Variants in ELMO1 observed in about 807,000 individuals in gnomAD.
ELMO1 encodes the protein engulfment and cell motility protein 1.
Under a neutral mutation model 98.9 loss-of-function variants are expected in ELMO1, and 26 were observed. That is an observed-to-expected ratio of 0.26 (90% confidence interval 0.19 to 0.36). ELMO1 has a LOEUF of 0.36. ELMO1 is among the 10% of genes least tolerant of loss of function. The pLI is 1.00. For synonymous variants in ELMO1, 346 were observed against 346.0 expected, an observed-to-expected ratio of 1.00 and a Z score of 0.00; for missense variants, 627 against 935.2, an observed-to-expected ratio of 0.67 and a Z score of 4.30.
At position 37,113,627 on chromosome 7, in the gene ELMO1, G is replaced by C. The variant is rs1785384060; in HGVS notation, c.1192-16900C>G. Among the ~76,000 whole-genome samples, 5 of 152,304 alleles carry C rather than the reference G, an allele frequency of 3.3e-5. No homozygotes were observed. In the South Asian group the frequency reaches 1.0e-3, roughly 32 times the overall value. ...TACCTGGTATGTTCACGGCCAACAA[G>C]GGTGCTATGGACGGAATTGCACCCT... On this transcript the variant is annotated intron_variant, in intron 14 of 21. Coordinates refer to ENST00000310758, the MANE Select transcript of ELMO1 (RefSeq NM_014800.11).
chr7:37,346,939 T>C (rs990997424), intron 1 of ELMO1, among the ~76,000 whole-genome samples: 1 of 152,114 alleles, frequency 6.6e-6, no homozygotes, highest in African/African-American at 2.4e-5. Context: ...GTGGCTCCAG[T>C]GGAGAGTCAG....
At chr7:37,171,481 C>G in intron 13 of ELMO1, among the ~76,000 whole-genome samples, 1 of 44,298 alleles carries the variant, frequency 2.3e-5, no homozygotes, top group African/African-American at 6.2e-5. Context: ...CCAGGCCTTT[C>G]TATTTTTTTT....
intron 4 of ELMO1, among the ~76,000 whole-genome samples, chr7:37,301,885 C>T (rs1798370284): frequency 6.6e-6 from 1 of 152,170 alleles, no homozygotes; most frequent in Non-Finnish European, 1.5e-5. Flanking sequence ...CTCACTGTTG[C>T]TGCTCTATGT....
chr7:37,037,054 G>A (rs1205692950), intron 15 of ELMO1, among the ~76,000 whole-genome samples: 1 of 152,092 alleles, frequency 6.6e-6, no homozygotes, highest in Non-Finnish European at 1.5e-5. Flanking sequence ...AAATACCATG[G>A]GGTTACTACA....
chr7:37,105,139 G>A (rs1008299713), intron 14 of ELMO1, among the ~76,000 whole-genome samples: 1 of 152,234 alleles, frequency 6.6e-6, no homozygotes, highest in African/African-American at 2.4e-5. Flanking sequence ...AACAAAAGCA[G>A]GACGCGCAAA....
At chr7:37,290,879 G>A (rs754140978) in intron 4 of ELMO1, among the ~76,000 whole-genome samples, 1 of 152,016 alleles carries the variant, frequency 6.6e-6, no homozygotes, top group African/African-American at 2.4e-5. Flanking sequence ...TGACAGAGAA[G>A]AAGAGGAAGA....
At chr7:37,301,971 A>G (rs1237195047) in intron 4 of ELMO1, among the ~76,000 whole-genome samples, 1 of 152,182 alleles carries the variant, frequency 6.6e-6, no homozygotes, top group African/African-American at 2.4e-5. Flanking sequence ...AAGTTAAATA[A>G]TTGCAAAAGT....
intron 6 of ELMO1, among the ~76,000 whole-genome samples, chr7:37,248,380 C>T (rs1353165728): frequency 6.6e-6 from 1 of 152,008 alleles, no homozygotes; most frequent in African/African-American, 2.4e-5. Flanking sequence ...CTGTGTGACC[C>T]TTTCTCATTT....
chr7:37,337,724 C>T lies in ELMO1; in HGVS notation c.78+4889G>A, dbSNP rs78302647. ...TAGGCCGAGAAGTTCTAGGCAAAGACAGAAGTGGTAGCTTTCTGGTCTGTG... is the reference window on the plus strand; with the variant it reads ...TAGGCCGAGAAGTTCTAGGCAAAGATAGAAGTGGTAGCTTTCTGGTCTGTG... On this transcript the variant is annotated intron_variant, in intron 2 of 21. Coordinates refer to ENST00000310758, the MANE Select transcript of ELMO1 (RefSeq NM_014800.11). Among the ~76,000 whole-genome samples, 1,285 of 152,252 alleles carry T rather than the reference C, an allele frequency of 8.4e-3. 15 individuals are homozygous for T. Among genetic ancestry groups the T allele is most frequent in the African/African-American group, 0.029 (1,197 of 41,546 alleles).
intron 4 of ELMO1, among the ~76,000 whole-genome samples, chr7:37,306,187 C>G (rs1055345528): frequency 6.6e-6 from 1 of 152,162 alleles, no homozygotes; most frequent in African/African-American, 2.4e-5. Flanking sequence ...GTCATTTCAT[C>G]TCTTTATCCT....
chr7:36,956,073 C>A (rs182399229), intron 16 of ELMO1, among the ~76,000 whole-genome samples: 2 of 152,174 alleles, frequency 1.3e-5, no homozygotes, highest in South Asian at 4.1e-4. Context: ...TAGGTGTCCA[C>A]CTCAAATTTA....
At chr7:37,345,819 C>T (rs1354387245) in intron 1 of ELMO1, among the ~76,000 whole-genome samples, 1 of 151,868 alleles carries the variant, frequency 6.6e-6, no homozygotes, top group African/African-American at 2.4e-5. Flanking sequence ...GAAACCCCAT[C>T]TCTACTAAAA....
intron 1 of ELMO1, among the ~76,000 whole-genome samples, chr7:37,419,115 C>T (rs1383512599): frequency 6.6e-6 from 1 of 152,146 alleles, no homozygotes; most frequent in Non-Finnish European, 1.5e-5. Flanking sequence ...CAGGCTCTGA[C>T]CCAATGTGGA....
intron 1 of ELMO1, chr7:37,429,739 A>G (rs963793282): frequency 6.6e-6 from 1 of 152,298 alleles, no homozygotes; most frequent in African/African-American, 2.4e-5. Context: ...CTGCTCAGTT[A>G]GAGGCCAAGA....
At position 37,372,846 on chromosome 7, in the gene ELMO1, A is replaced by G. The variant is rs886163198; in HGVS notation, c.-73-30083T>C. ...GTGCTTCTCAACATACTTTTTCACC[A>G]TTATCTATTTTTCCAACCTGGCAAT... On this transcript the variant is annotated intron_variant, in intron 1 of 21. Coordinates refer to ENST00000310758, the MANE Select transcript of ELMO1 (RefSeq NM_014800.11). 2.0e-5 allele frequency among the ~76,000 whole-genome samples: 3 copies of G among 152,262 alleles called. No individual in the cohort carries two copies. The South Asian group carries it at 6.2e-4, about 32-fold the overall frequency.
chr7:37,244,980 A>T (rs981872448), intron 6 of ELMO1, among the ~76,000 whole-genome samples: 3 of 152,160 alleles, frequency 2.0e-5, no homozygotes, highest in African/African-American at 4.8e-5. Flanking sequence ...ATGCTTTTTT[A>T]AAAAAACTAG....
intron 4 of ELMO1, among the ~76,000 whole-genome samples, chr7:37,277,305 G>A (rs934096061): frequency 1.3e-5 from 2 of 152,246 alleles, no homozygotes; most frequent in Non-Finnish European, 1.5e-5. Flanking sequence ...GAAGAACAGG[G>A]TGTGCAGCAC....
intron 14 of ELMO1, among the ~76,000 whole-genome samples, chr7:37,109,488 C>A (rs1484231090): frequency 6.6e-6 from 1 of 152,104 alleles, no homozygotes; most frequent in African/African-American, 2.4e-5. Context: ...CCACACACCC[C>A]ACGCGCTGCC....
Position 37,077,069 on chromosome 7 carries a change from G to A in ELMO1, c.1300+19550C>T, listed in dbSNP as rs186261736. Among the ~76,000 whole-genome samples, 274 of 152,290 alleles carry A rather than the reference G, an allele frequency of 1.8e-3. 1 individual carries two copies. The highest frequency in any genetic ancestry group is 5.0e-3 in the African/African-American group (207 of 41,574). On this transcript the variant is annotated intron_variant, in intron 15 of 21. Transcript: ENST00000310758. Reference sequence around the variant, plus strand: ...CAGTATGGTAGCCACTAGCTGCCCCGCTCCAACCCGTGCAGCCTCTCCAAG... The same window carrying A: ...CAGTATGGTAGCCACTAGCTGCCCCACTCCAACCCGTGCAGCCTCTCCAAG...
Sources: gnomAD v4.1 joint callset for allele counts (sites outside exome capture counted in the v4.1 genomes callset) on GRCh38, gnomAD v4.1.1 for gene constraint, MANE v1.5 for transcripts, NCBI Gene and HGNC (gene_info 2026-07-23, HGNC 2026-07-21) for gene names.